Variants in DYNLT5 observed in about 807,000 individuals in gnomAD.
The protein encoded by DYNLT5 is dynein light chain Tctex-type 5.
A neutral mutation model predicts 19.3 loss-of-function variants in DYNLT5; 25 were observed. The observed-to-expected ratio is 1.30, with a 90% CI of 0.95 to 1.81. DYNLT5 has a LOEUF of 1.81. DYNLT5 is among the 40% of genes most tolerant of loss of function. The pLI is 0.00. For missense variants in DYNLT5, 232 were observed against 217.9 expected, an observed-to-expected ratio of 1.06 and a Z score of -0.41; for synonymous variants, 82 against 68.9, an observed-to-expected ratio of 1.19 and a Z score of -0.94.
intron 3 of DYNLT5, among the ~76,000 whole-genome samples, chr1:66,773,507 G>C (rs1433266982): frequency 2.0e-5 from 3 of 152,090 alleles, no homozygotes; most frequent in African/African-American, 7.2e-5. Flanking sequence ...TTCTCAGCAA[G>C]GTAAATCCCC....
intron 2 of DYNLT5, among the ~76,000 whole-genome samples, chr1:66,756,796 C>T (rs1034663879): frequency 1.2e-4 from 18 of 152,158 alleles, no homozygotes; most frequent in African/African-American, 3.6e-4. Context: ...CACCATCTTG[C>T]GGGCATCATC....
chr1:66,759,474 A>T (rs970823501), intron 2 of DYNLT5, among the ~76,000 whole-genome samples: 1 of 152,200 alleles, frequency 6.6e-6, no homozygotes, highest in Admixed American at 6.5e-5. Flanking sequence ...AAAGGATACA[A>T]TAGACATAAT....
Position 66,777,684 on chromosome 1 carries a change from T to A in DYNLT5, c.*230T>A. ...GGAACTTGATCTTGGTTTTGCTGGA[T>A]TGCTTTCCATAGACATAGATTCTTA... is the stretch of plus-strand genomic sequence containing the variant. On this transcript the variant is annotated 3_prime_UTR_variant, in exon 5 of 5. Transcript: ENST00000282670. 5.1e-6 allele frequency: 2 copies of A among 395,852 alleles called. No individual in the cohort carries two copies. Among genetic ancestry groups the A allele is most frequent in the Non-Finnish European group, 9.0e-6 (2 of 221,004 alleles). The allele number at this position is 395,852 out of a possible 1,614,324, so 24.5% of individuals were successfully genotyped here. A position where few individuals can be genotyped will look rare whatever the true frequency, so the allele number is the denominator to read the frequency against.
chr1:66,767,117 C>G (rs1645162593), intron 2 of DYNLT5, among the ~76,000 whole-genome samples: 1 of 151,608 alleles, frequency 6.6e-6, no homozygotes, highest in Non-Finnish European at 1.5e-5. Flanking sequence ...CAAACCTTCA[C>G]ATGTACCCCC....
At chr1:66,761,187 T>G (rs775438988) in intron 2 of DYNLT5, among the ~76,000 whole-genome samples, 3 of 152,328 alleles carry the variant, frequency 2.0e-5, no homozygotes, top group Non-Finnish European at 4.4e-5. Context: ...TCCAGACCAT[T>G]GCAATAAAGT....
chr1:66,769,600 A>C (rs1572549765), intron 2 of DYNLT5, among the ~76,000 whole-genome samples: 2 of 152,056 alleles, frequency 1.3e-5, no homozygotes, highest in Non-Finnish European at 2.9e-5. Context: ...TCTGTCTTAA[A>C]GTTCATTTTC....
intron 2 of DYNLT5, among the ~76,000 whole-genome samples, chr1:66,764,326 C>A (rs58493836): frequency 0.015 from 2,339 of 152,316 alleles, 62 homozygotes; most frequent in African/African-American, 0.053. Flanking sequence ...TTATTTCTAG[C>A]TTTTGATTTA....
At chr1:66,755,512 A>G (rs1300845723) in intron 2 of DYNLT5, among the ~76,000 whole-genome samples, 1 of 152,182 alleles carries the variant, frequency 6.6e-6, no homozygotes, top group African/African-American at 2.4e-5. Context: ...TTTCGTTCTT[A>G]GTTTCTATAG....
intron 2 of DYNLT5, among the ~76,000 whole-genome samples, chr1:66,759,400 A>G (rs1572544300): frequency 6.6e-6 from 1 of 152,194 alleles, no homozygotes; most frequent in Non-Finnish European, 1.5e-5. Flanking sequence ...GAAAACTCAC[A>G]CCATAGAGCA....
intron 2 of DYNLT5, among the ~76,000 whole-genome samples, chr1:66,765,224 C>G (rs563086657): frequency 6.6e-6 from 1 of 152,104 alleles, no homozygotes; most frequent in Non-Finnish European, 1.5e-5. Flanking sequence ...ATCTCCCCTC[C>G]GAAGAAGACA....
intron 3 of DYNLT5, among the ~76,000 whole-genome samples, chr1:66,773,947 T>C (rs1557874600): frequency 1.3e-5 from 2 of 152,194 alleles, no homozygotes; most frequent in Admixed American, 6.5e-5. Context: ...TGGATGATTC[T>C]GGATGTTTAG....
Position 66,770,388 on chromosome 1 carries a change from T to G in DYNLT5, c.121T>G (p.Ser41Ala). 1 of 1,607,994 alleles carries G rather than the reference T, an allele frequency of 6.2e-7. No individual in the cohort carries two copies. The change falls in exon 3 of 5, where the codon TCT becomes GCT. Residue 41 changes from serine (S) to alanine (A), a missense_variant and splice_region_variant. Transcript: ENST00000282670. ...ATTTGTTTTCTCCCTTGTTTTTAGT[T>G]CTATGAGTACTGTGTCTTATATGGA... ...RKEIHGRIKD[S>A]MSTVSYMEEP...
intron 2 of DYNLT5, among the ~76,000 whole-genome samples, chr1:66,769,753 T>A (rs1379637933): frequency 2.6e-5 from 4 of 152,166 alleles, no homozygotes; most frequent in Non-Finnish European, 5.9e-5. Context: ...AGCACCAGGA[T>A]AAGCTCATAT....
chr1:66,775,141 AGCTTCTCCTCTGAAC>A (rs962834915), intron 3 of DYNLT5: 1 of 152,230 alleles, frequency 6.6e-6, no homozygotes, highest in Non-Finnish European at 1.5e-5. Flanking sequence ...ATTCATTTGA[AGCTTCTCCTCTGAAC>A]GTGGATGAAA....
intron 3 of DYNLT5, among the ~76,000 whole-genome samples, chr1:66,774,635 C>T (rs1390976806): frequency 6.6e-6 from 1 of 152,138 alleles, no homozygotes; most frequent in Non-Finnish European, 1.5e-5. Flanking sequence ...TTCCCTGGCT[C>T]CTGCCTGTGA....
At chr1:66,771,360 T>A (rs942232032) in intron 3 of DYNLT5, among the ~76,000 whole-genome samples, 5 of 152,196 alleles carry the variant, frequency 3.3e-5, no homozygotes, top group Admixed American at 3.3e-4. Flanking sequence ...CCTCACTAAA[T>A]TTCCTTTGAA....
At chr1:66,771,855 T>A (rs1382567794) in intron 3 of DYNLT5, among the ~76,000 whole-genome samples, 2 of 152,230 alleles carry the variant, frequency 1.3e-5, no homozygotes, top group African/African-American at 4.8e-5. Context: ...TTTTGCAACT[T>A]GTTTTCTCAA....
At chr1:66,776,132 C>A in intron 3 of DYNLT5, 147 bp from the exon 4 acceptor site, 1 of 1,047,774 alleles carries the variant, frequency 9.5e-7, no homozygotes, top group Middle Eastern at 3.1e-4. Flanking sequence ...TGACAGGAAA[C>A]CTAATTAGAG....
chr1:66,777,706 C>G lies in DYNLT5; in HGVS notation c.*252C>G, dbSNP rs932856673. ...GGATTGCTTTCCATAGACATAGATT[C>G]TTATTAAATATTTGTTTTGGTACTA... On this transcript the variant is annotated 3_prime_UTR_variant, in exon 5 of 5. Transcript: ENST00000282670. 3.2e-6 allele frequency: 1 copy of G among 311,564 alleles called. No homozygotes were observed. The highest frequency in any genetic ancestry group is 9.2e-4 in the Middle Eastern group (1 of 1,088). The allele number at this position is 311,564 out of a possible 1,614,324, so 19.3% of individuals were successfully genotyped here. A position where few individuals can be genotyped will look rare whatever the true frequency, so the allele number is the denominator to read the frequency against.
Sources: gnomAD v4.1 joint callset for allele counts (sites outside exome capture counted in the v4.1 genomes callset) on GRCh38, gnomAD v4.1.1 for gene constraint, MANE v1.5 for transcripts, NCBI Gene and HGNC (gene_info 2026-07-23, HGNC 2026-07-21) for gene names.